NEK1: variants seen among roughly 807,000 people sequenced by gnomAD.
NEK1 encodes NIMA related kinase 1.
A neutral mutation model predicts 182.1 loss-of-function variants in NEK1; 137 were observed. That is an observed-to-expected ratio of 0.75 (90% CI 0.65 to 0.87). The LOEUF (loss-of-function observed/expected upper bound fraction) is 0.87. Ranked by LOEUF, NEK1 falls within the 40% of genes least tolerant of loss-of-function variation. The pLI, the probability that NEK1 is intolerant of heterozygous loss-of-function variation, is 0.00. For missense variants in NEK1, 1,391 were observed against 1,494.4 expected, an observed-to-expected ratio of 0.93 and a Z score of 1.14; for synonymous variants, 513 against 492.2, an observed-to-expected ratio of 1.04 and a Z score of -0.56.
chr4:169,428,574 G>GA (rs576682851), intron 29 of NEK1, among the ~76,000 whole-genome samples: 11 of 151,612 alleles, frequency 7.3e-5, no homozygotes, highest in African/African-American at 2.2e-4. Context: ...GGTGGGGAGG[G>GA]AAAAAACGGG....
intron 23 of NEK1, among the ~76,000 whole-genome samples, chr4:169,483,841 G>A (rs181331960): frequency 3.4e-5 from 5 of 148,370 alleles, no homozygotes; most frequent in Admixed American, 6.7e-5. Flanking sequence ...ACTCCAGCCT[G>A]GGCGACAGAG....
chr4:169,593,760 G>A lies in NEK1; in HGVS notation c.313-2951C>T, dbSNP rs554386218. Among the ~76,000 whole-genome samples, 516 of 152,150 alleles carry A rather than the reference G, an allele frequency of 3.4e-3. 1 individual carries two copies. Among genetic ancestry groups the A allele is most frequent in the Non-Finnish European group, 6.2e-3 (423 of 67,988 alleles). ...TCCCAGCACTTTGGGAGGCCTAGGCGGGCAGATCACGAGGTCAGGAGATCG... is the reference window on the plus strand; with the variant it reads ...TCCCAGCACTTTGGGAGGCCTAGGCAGGCAGATCACGAGGTCAGGAGATCG... On this transcript the variant is annotated intron_variant, in intron 5 of 35. Transcript: ENST00000507142.
intron 19 of NEK1, among the ~76,000 whole-genome samples, chr4:169,522,370 T>A (rs79668045): frequency 0.013 from 1,991 of 152,366 alleles, 39 homozygotes; most frequent in African/African-American, 0.045. Context: ...TTGATATGAA[T>A]GTCAAATCAA....
chr4:169,597,823 A>G (rs562549607), intron 5 of NEK1, among the ~76,000 whole-genome samples: 3 of 152,050 alleles, frequency 2.0e-5, no homozygotes, highest in African/African-American at 7.2e-5. Flanking sequence ...AGTCCCAGCT[A>G]CTCGGGAGGC....
intron 27 of NEK1, among the ~76,000 whole-genome samples, chr4:169,458,732 G>A (rs1743374516): frequency 6.6e-6 from 1 of 151,596 alleles, no homozygotes; most frequent in Admixed American, 6.6e-5. Flanking sequence ...GGAAGTTAAG[G>A]TGGAAGGATC....
At chr4:169,531,800 A>G (rs1304841368) in intron 19 of NEK1, among the ~76,000 whole-genome samples, 2 of 152,192 alleles carry the variant, frequency 1.3e-5, no homozygotes. Context: ...AGGCTAGCCA[A>G]TTATATAGGT....
At chr4:169,538,947 C>T (rs1758943377) in intron 18 of NEK1, among the ~76,000 whole-genome samples, 1 of 152,090 alleles carries the variant, frequency 6.6e-6, no homozygotes, top group Non-Finnish European at 1.5e-5. Context: ...TGAAACTAAG[C>T]TGTAAAACCT....
At chr4:169,544,308 G>C (rs972956263) in intron 18 of NEK1, among the ~76,000 whole-genome samples, 2 of 152,134 alleles carry the variant, frequency 1.3e-5, no homozygotes, top group Non-Finnish European at 2.9e-5. Flanking sequence ...TGCCTCCCAG[G>C]GATGAAGCCA....
chr4:169,461,898 G>C (rs1465119377), intron 27 of NEK1, among the ~76,000 whole-genome samples: 1 of 151,956 alleles, frequency 6.6e-6, no homozygotes, highest in Non-Finnish European at 1.5e-5. Context: ...ACACAACTAA[G>C]AAGTGTTCAA....
At chr4:169,554,875 TACAGAGG>T (rs1761947365) in intron 18 of NEK1, 1 of 152,210 alleles carries the variant, frequency 6.6e-6, no homozygotes, top group Non-Finnish European at 1.5e-5. Context: ...AGGATGTCAA[TACAGAGG>T]TTGTGCATGT....
chr4:169,481,595 A>T (rs1561266355), intron 23 of NEK1, among the ~76,000 whole-genome samples: 1 of 151,008 alleles, frequency 6.6e-6, no homozygotes, highest in Non-Finnish European at 1.5e-5. Context: ...TTTGGAAATA[A>T]TTTTTTTTTT....
At chr4:169,413,007 G>A (rs1043592786) in intron 31 of NEK1, among the ~76,000 whole-genome samples, 6 of 151,914 alleles carry the variant, frequency 3.9e-5, no homozygotes, top group African/African-American at 1.5e-4. Flanking sequence ...CAAATATAAG[G>A]ACCCAAACTT....
intron 31 of NEK1, among the ~76,000 whole-genome samples, chr4:169,423,924 C>T (rs1035881902): frequency 6.6e-6 from 1 of 151,806 alleles, no homozygotes; most frequent in Non-Finnish European, 1.5e-5. Flanking sequence ...GCAATAATGT[C>T]GTAATATATA....
intron 19 of NEK1, among the ~76,000 whole-genome samples, chr4:169,515,009 C>A (rs1201596727): frequency 6.6e-6 from 1 of 152,126 alleles, no homozygotes; most frequent in East Asian, 1.9e-4. Context: ...AGCTCTCACA[C>A]ATTTTTGTGC....
chr4:169,534,376 T>TTGGCAG (rs1407640114), intron 19 of NEK1, among the ~76,000 whole-genome samples: 1 of 152,118 alleles, frequency 6.6e-6, no homozygotes, highest in Non-Finnish European at 1.5e-5. Context: ...CAAACAGAGC[T>TTGGCAG]TGGCAGTCCC....
At chr4:169,500,098 G>T (rs1030677669) in intron 23 of NEK1, among the ~76,000 whole-genome samples, 2 of 152,224 alleles carry the variant, frequency 1.3e-5, no homozygotes, top group Non-Finnish European at 2.9e-5. Flanking sequence ...CCTTGGCAAT[G>T]GTGGGCACCC....
chr4:169,581,065 A>C (rs557323256), intron 10 of NEK1, among the ~76,000 whole-genome samples, 163 bp from the exon 11 acceptor site: 5 of 136,680 alleles, frequency 3.7e-5, no homozygotes, highest in South Asian at 4.7e-4. Flanking sequence ...AAAAAAAAAG[A>C]AGCCCAGGTG....
chr4:169,560,336 T>C (rs1762724739), intron 16 of NEK1, among the ~76,000 whole-genome samples: 1 of 152,184 alleles, frequency 6.6e-6, no homozygotes, highest in Non-Finnish European at 1.5e-5. Context: ...AGTTGCTCAT[T>C]AGAGACCACT....
At chr4:169,505,743 G>C (rs536855759) in intron 23 of NEK1, among the ~76,000 whole-genome samples, 2 of 152,204 alleles carry the variant, frequency 1.3e-5, no homozygotes, top group South Asian at 2.1e-4. Flanking sequence ...CTAGTTGTAG[G>C]CTAAAACCCA....
Sources: allele counts gnomAD v4.1 joint callset (sites outside exome capture counted in the v4.1 genomes callset), GRCh38; gene constraint gnomAD v4.1.1; transcripts MANE v1.5; gene names NCBI Gene and HGNC (gene_info 2026-07-23, HGNC 2026-07-21).